TYW1B: variants seen among roughly 807,000 people sequenced by gnomAD.
TYW1B encodes S-adenosyl-L-methionine-dependent tRNA 4-demethylwyosine synthase TYW1B.
Under a neutral mutation model 86.9 loss-of-function variants are expected in TYW1B, and 73 were observed. That is an observed-to-expected ratio of 0.84 (90% CI 0.70 to 1.02). The LOEUF is 1.02. Among genes scored for constraint, TYW1B ranks in the 50% least tolerant of loss-of-function variants. The pLI, the probability that TYW1B is intolerant of heterozygous loss-of-function variation, is 0.00. For missense variants in TYW1B, 637 were observed against 827.4 expected, an observed-to-expected ratio of 0.77 and a Z score of 2.82; for synonymous variants, 248 against 292.8, an observed-to-expected ratio of 0.85 and a Z score of 1.56.
At chr7:72,791,315 G>A (rs1364538527) in intron 6 of TYW1B, among the ~76,000 whole-genome samples, 1 of 151,152 alleles carries the variant, frequency 6.6e-6, no homozygotes, top group Non-Finnish European at 1.5e-5. Flanking sequence ...CTGGCGCTCA[G>A]ACCTTTAGAC....
At chr7:72,772,087 GATCC>G (rs1349888344) in intron 7 of TYW1B, among the ~76,000 whole-genome samples, 1 of 151,672 alleles carries the variant, frequency 6.6e-6, no homozygotes, top group African/African-American at 2.4e-5. Context: ...GTCCTCAAGT[GATCC>G]ATCTACCTCC....
At chr7:72,806,755 A>G (rs1287191813) in intron 5 of TYW1B, among the ~76,000 whole-genome samples, 1 of 151,844 alleles carries the variant, frequency 6.6e-6, no homozygotes, top group Non-Finnish European at 1.5e-5. Flanking sequence ...GGCTCAAGCA[A>G]TCCTCCCAAC....
intron 13 of TYW1B, 90 bp downstream of exon 13, chr7:72,616,582 A>G: frequency 1.3e-6 from 2 of 1,596,460 alleles, no homozygotes; most frequent in Non-Finnish European, 1.7e-6. Flanking sequence ...GATCATCCCT[A>G]TAACAACGTA....
rs1454239090 is a variant in TYW1B, at chr7:72,575,446, C to G, written c.*52G>C. 1.3e-6 allele frequency: 2 copies of G among 1,582,262 alleles called. No individual in the cohort carries two copies. The highest frequency in any genetic ancestry group is 1.2e-5 in the South Asian group (1 of 85,686). On this transcript the variant is annotated 3_prime_UTR_variant, in exon 14 of 14. Coordinates refer to ENST00000620995, the MANE Select transcript of TYW1B (RefSeq NM_001145440.3). The stretch of plus-strand genomic sequence containing the variant: ...GAGAATCAGAGTGGTGTTCAAGAAC[C>G]TTTTGAGGCCATCCAAGTTTTTGTC...
chr7:72,719,123 T>C (rs1330050427), intron 9 of TYW1B, among the ~76,000 whole-genome samples: 1 of 152,138 alleles, frequency 6.6e-6, no homozygotes, highest in Non-Finnish European at 1.5e-5. Flanking sequence ...ATTTTTATTT[T>C]GTGAACTGAA....
chr7:72,705,941 G>C (rs1554453582), intron 10 of TYW1B, among the ~76,000 whole-genome samples: 2 of 152,194 alleles, frequency 1.3e-5, no homozygotes, highest in Admixed American at 1.3e-4. Flanking sequence ...TTCCATCGCA[G>C]CAATAACATC....
chr7:72,605,733 G>A (rs1282702499), intron 13 of TYW1B, among the ~76,000 whole-genome samples: 1 of 152,124 alleles, frequency 6.6e-6, no homozygotes, highest in East Asian at 1.9e-4. Context: ...ATCTGATTAG[G>A]ATTAGGAAAA....
intron 6 of TYW1B, among the ~76,000 whole-genome samples, chr7:72,785,656 A>T (rs1320088346): frequency 1.3e-5 from 2 of 152,110 alleles, no homozygotes; most frequent in African/African-American, 2.4e-5. Context: ...GTTAGTGAAT[A>T]TTACTCAAAA....
intron 10 of TYW1B, among the ~76,000 whole-genome samples, chr7:72,704,433 TAAAAAAAAAAA>T (rs1162253814): frequency 1.1e-5 from 1 of 93,220 alleles, no homozygotes; most frequent in East Asian, 3.0e-4. Flanking sequence ...GATTCTATCT[TAAAAAAAAAAA>T]AAAAAAAAAA....
Position 72,575,455 on chromosome 7 carries a change from C to T in TYW1B, c.*43G>A, listed in dbSNP as rs537385840. The T allele has an allele frequency of 3.5e-5, 55 of 1,583,208 alleles. 1 individual carries two copies. The South Asian group carries it at 4.2e-4, about 12-fold the overall frequency. On this transcript the variant is annotated 3_prime_UTR_variant, in exon 14 of 14. Transcript: ENST00000620995. The stretch of plus-strand genomic sequence containing the variant: ...AGTGGTGTTCAAGAACCTTTTGAGG[C>T]CATCCAAGTTTTTGTCCTTCAGTAC...
chr7:72,715,858 T>C lies in TYW1B; in HGVS notation c.1193-2060A>G, dbSNP rs568666795. 3.7e-4 allele frequency among the ~76,000 whole-genome samples: 57 copies of C among 152,292 alleles called. No homozygotes were observed. The South Asian group carries it at 6.2e-3, about 17-fold the overall frequency. ...CTCTCTGCAGGATAGGGGTTCCTCA[T>C]GGAGCTTGGGCCTAGGGGAGAAGCG... On this transcript the variant is annotated intron_variant, in intron 9 of 13. Transcript: ENST00000620995.
intron 4 of TYW1B, among the ~76,000 whole-genome samples, 178 bp from the exon 5 acceptor site, chr7:72,807,534 G>C (rs1788522078): frequency 5.9e-5 from 9 of 152,054 alleles, no homozygotes; most frequent in Admixed American, 5.9e-4. Flanking sequence ...ACCCAGAAGA[G>C]GGTCATTTTA....
chr7:72,791,626 A>G (rs1234554505), intron 6 of TYW1B, among the ~76,000 whole-genome samples: 1 of 151,992 alleles, frequency 6.6e-6, no homozygotes, highest in Admixed American at 6.6e-5. Flanking sequence ...AAACACAAAA[A>G]ATTAGCTGGG....
intron 11 of TYW1B, among the ~76,000 whole-genome samples, chr7:72,631,952 C>G (rs1812502035): frequency 6.6e-6 from 1 of 152,026 alleles, no homozygotes; most frequent in African/African-American, 2.4e-5. Context: ...TGCCAGCAAT[C>G]AGCAATTACA....
intron 3 of TYW1B, among the ~76,000 whole-genome samples, chr7:72,814,760 T>C (rs1295252176): frequency 4.0e-5 from 6 of 149,630 alleles, no homozygotes; most frequent in Non-Finnish European, 7.4e-5. Context: ...TAAAATAAAT[T>C]CAAAAAAAAT....
At chr7:72,700,934 C>A (rs1189718171) in intron 10 of TYW1B, among the ~76,000 whole-genome samples, 1 of 151,996 alleles carries the variant, frequency 6.6e-6, no homozygotes, top group African/African-American at 2.4e-5. Flanking sequence ...AGGAGTGCCA[C>A]ATGCCTCTAA....
At chr7:72,705,550 A>C (rs1814590344) in intron 10 of TYW1B, among the ~76,000 whole-genome samples, 1 of 152,242 alleles carries the variant, frequency 6.6e-6, no homozygotes, top group African/African-American at 2.4e-5. Context: ...TTAGATTTAC[A>C]GTACTCACCA....
At chr7:72,683,079 C>CCTAA (rs1344625048) in intron 11 of TYW1B, among the ~76,000 whole-genome samples, 1 of 152,162 alleles carries the variant, frequency 6.6e-6, no homozygotes, top group Non-Finnish European at 1.5e-5. Flanking sequence ...TTAACCAGAA[C>CCTAA]CTAACTTGCT....
chr7:72,703,917 G>A (rs1408877323), intron 10 of TYW1B, among the ~76,000 whole-genome samples: 4 of 151,732 alleles, frequency 2.6e-5, no homozygotes, highest in Non-Finnish European at 4.4e-5. Flanking sequence ...TTTCTGGTTG[G>A]AATGCTCTAT....
Sources: gnomAD v4.1 joint callset for allele counts (sites outside exome capture counted in the v4.1 genomes callset) on GRCh38, gnomAD v4.1.1 for gene constraint, MANE v1.5 for transcripts, NCBI Gene and HGNC (gene_info 2026-07-23, HGNC 2026-07-21) for gene names.